NBPF20: variants seen among roughly 807,000 people sequenced by gnomAD.
The protein encoded by NBPF20 is NBPF member 20, also known as NBPF family member NBPF20.
A neutral mutation model predicts 68.1 loss-of-function variants in NBPF20; 90 were observed. The observed-to-expected ratio is 1.32, with a 90% CI of 1.11 to 1.58. The LOEUF (loss-of-function observed/expected upper bound fraction) is 1.58. Among genes scored for constraint, NBPF20 ranks in the 40% most tolerant of loss-of-function variants. The pLI is 0.00. For synonymous variants in NBPF20, 290 were observed against 228.1 expected (o/e 1.27, Z -2.45); for missense variants, 816 against 601.2 (o/e 1.36, Z -3.74).
chr1:145,292,667 T>G lies in NBPF20; in HGVS notation c.16589-178A>C, dbSNP rs587716513. Reference sequence around the variant, plus strand: ...CATGATAGAACTTCCTCGGTTTTTCTCCCAGAAACTGTGGGTAAAATGTCC... The same window carrying G: ...CATGATAGAACTTCCTCGGTTTTTCGCCCAGAAACTGTGGGTAAAATGTCC... On this transcript the variant is annotated intron_variant, in intron 136 of 137. Transcript: ENST00000369373. Among the ~76,000 whole-genome samples the G allele has an allele frequency of 1.0e-4, 15 of 147,440 alleles. No individual in the cohort carries two copies. The East Asian group carries it at 2.7e-3, about 27-fold the overall frequency.
the NBPF20 span, among the ~76,000 whole-genome samples, chr1:145,424,596 T>C: frequency 6.6e-6 from 1 of 152,146 alleles, no homozygotes; most frequent in Non-Finnish European, 1.5e-5. Flanking sequence ...AAGACTTCTT[T>C]TCGAAAGCAG....
intron 137 of NBPF20, 43 bp from the exon 143 acceptor site, chr1:145,291,812 A>G: frequency 6.2e-7 from 1 of 1,612,014 alleles, no homozygotes; most frequent in African/African-American, 1.3e-5. Context: ...AGGGAAAATC[A>G]GAAACCACAG....
chr1:145,292,643 A>T (rs1206275558), intron 136 of NBPF20, among the ~76,000 whole-genome samples, 154 bp from the exon 142 acceptor site: 1 of 148,376 alleles, frequency 6.7e-6, no homozygotes, highest in Non-Finnish European at 1.5e-5. Context: ...AAGGCTGTTC[A>T]TGATAGAACT....
chr1:145,398,762 C>T (rs1291854909), intron 7 of NBPF20, among the ~76,000 whole-genome samples: 1 of 151,602 alleles, frequency 6.6e-6, no homozygotes, highest in Non-Finnish European at 1.5e-5. Flanking sequence ...CACAAAAAAC[C>T]CTTCAAAAGA....
At position 145,392,748 on chromosome 1, in the gene NBPF20, G is replaced by A. The variant is rs1400596550; in HGVS notation, c.1216+326C>T. 2.6e-5 allele frequency among the ~76,000 whole-genome samples: 2 copies of A among 77,210 alleles called. 1 individual carries two copies. The highest frequency in any genetic ancestry group is 2.8e-4 in the Admixed American group (2 of 7,018). 50.7% of individuals were successfully genotyped at this position (77,210 alleles called of 152,430 possible). On this transcript the variant is annotated intron_variant, in intron 10 of 137. Coordinates refer to ENST00000369373, the Ensembl canonical transcript of NBPF20. ...GAGGATTTTAGACGCTGAAATTAGAGTGAAGGATGAAATCTACAAGATCTA... is the reference window on the plus strand; with the variant it reads ...GAGGATTTTAGACGCTGAAATTAGAATGAAGGATGAAATCTACAAGATCTA...
chr1:145,393,415 G>A (rs1327886595), intron 9 of NBPF20, among the ~76,000 whole-genome samples, 169 bp from the exon 15 acceptor site: 1 of 150,966 alleles, frequency 6.6e-6, no homozygotes, highest in African/African-American at 2.4e-5. Flanking sequence ...GGGCCAGGTA[G>A]AAAAGGATGA....
chr1:145,402,427 G>T, intron 3 of NBPF20, 46 bp from the exon 9 acceptor site: 1 of 1,599,400 alleles, frequency 6.3e-7, no homozygotes, highest in Non-Finnish European at 8.6e-7. Flanking sequence ...AAGGTTCAGT[G>T]ATCCGCTCAA....
exon 138 of NBPF20, chr1:145,291,735 C>G (rs1661109883): frequency 5.0e-6 from 8 of 1,611,920 alleles, no homozygotes; most frequent in Non-Finnish European, 6.8e-6. Context: ...TGTAAGACTT[C>G]AGGCTCTTCC....
At chr1:145,394,529 C>T (rs1662119273) in intron 8 of NBPF20, among the ~76,000 whole-genome samples, 1 of 152,032 alleles carries the variant, frequency 6.6e-6, no homozygotes, top group Non-Finnish European at 1.5e-5. Context: ...ACCTGGGTCA[C>T]ATCTTTCACT....
upstream of NBPF20, among the ~76,000 whole-genome samples, chr1:145,406,162 C>G (rs1662775479): frequency 6.7e-6 from 1 of 148,194 alleles, no homozygotes; most frequent in Non-Finnish European, 1.5e-5. Context: ...GTCTCGATCT[C>G]CTGACCTCGT....
chr1:145,395,675 G>C (rs1247206054), intron 7 of NBPF20, among the ~76,000 whole-genome samples: 1 of 148,736 alleles, frequency 6.7e-6, no homozygotes, highest in Non-Finnish European at 1.5e-5. Context: ...AAACACATCG[G>C]AGAGAATAGG....
At position 145,342,802 on chromosome 1, in the gene NBPF20, C is replaced by A. The variant is rs1435282162; in HGVS notation, c.8814-243G>T. The stretch of plus-strand genomic sequence containing the variant: ...ACACACACACACACACACAGACACA[C>A]ACACACACACAGAGAGAACGAGCTC... On this transcript the variant is annotated intron_variant, in intron 73 of 137. Transcript: ENST00000369373. Among the ~76,000 whole-genome samples, 10 of 116,402 alleles carry A rather than the reference C, an allele frequency of 8.6e-5. No individual in the cohort carries two copies. In the South Asian group the frequency reaches 2.4e-3, roughly 28 times the overall value. The allele number at this position is 116,402 out of a possible 152,430, so 76.4% of individuals were successfully genotyped here.
chr1:145,396,874 C>A (rs1662273067), intron 7 of NBPF20, among the ~76,000 whole-genome samples: 1 of 132,718 alleles, frequency 7.5e-6, no homozygotes. Context: ...CCCATTAACT[C>A]ATCATTTAAC....
intron 136 of NBPF20, among the ~76,000 whole-genome samples, chr1:145,292,751 G>A (rs1441295490): frequency 2.3e-5 from 3 of 128,272 alleles, no homozygotes; most frequent in African/African-American, 6.8e-5. Flanking sequence ...AAACAGTTAT[G>A]CCATATTTTT....
chr1:145,400,576 T>G, exon 6 of NBPF20: 1 of 1,612,064 alleles, frequency 6.2e-7, no homozygotes, highest in Non-Finnish European at 8.5e-7. Flanking sequence ...CTTCCTTTTC[T>G]TCAGCCTTCT....
chr1:145,405,305 G>A (rs199498316), exon 2 of NBPF20: 40 of 1,584,648 alleles, frequency 2.5e-5, no homozygotes, highest in Non-Finnish European at 3.0e-5. Context: ...GTGGAGTCAG[G>A]GACTGGGGAG....
intron 111 of NBPF20, 44 bp from the exon 117 acceptor site, chr1:145,312,424 G>A: frequency 7.2e-5 from 3 of 41,538 alleles, no homozygotes; most frequent in South Asian, 6.9e-4. Context: ...GGGGGAATCA[G>A]AAACCACACA....
At chr1:145,419,503 C>G in the NBPF20 span, among the ~76,000 whole-genome samples, 6 of 152,160 alleles carry the variant, frequency 3.9e-5, no homozygotes, top group African/African-American at 1.4e-4. Flanking sequence ...TGAGATGAGA[C>G]AGTGGATCCC....
At chr1:145,422,920 G>A in the NBPF20 span, among the ~76,000 whole-genome samples, 6 of 146,464 alleles carry the variant, frequency 4.1e-5, no homozygotes, top group South Asian at 2.3e-4. Context: ...GCCAGGAGGT[G>A]GAGGTTGCAG....
Sources: allele counts gnomAD v4.1 joint callset (sites outside exome capture counted in the v4.1 genomes callset), GRCh38; gene constraint gnomAD v4.1.1; transcripts MANE v1.5; gene names NCBI Gene and HGNC (gene_info 2026-07-23, HGNC 2026-07-21).